The following RYR2 variants were observed in gnomAD, a reference collection of about 807,000 sequenced individuals.
RYR2 encodes ryanodine receptor 2.
A neutral mutation model predicts 601.1 loss-of-function variants in RYR2; 227 were observed. The ratio of observed to expected loss-of-function variants is 0.38; its 90% CI spans 0.34 to 0.42. The LOEUF (loss-of-function observed/expected upper bound fraction) is 0.42, where lower values mean the gene tolerates loss of function less well. RYR2 is among the 10% of genes least tolerant of loss of function. The pLI is 1.00. For missense variants in RYR2, 4,646 were observed against 6,156.5 expected (o/e 0.75, Z 8.21); for synonymous variants, 2,223 against 2,175.1 (o/e 1.02, Z -0.61).
At chr1:237,582,923 G>GATATATATATAT (rs71180101) in intron 29 of RYR2, among the ~76,000 whole-genome samples, 12,050 of 132,786 alleles carry the variant, frequency 0.091, 683 homozygotes, top group Admixed American at 0.15. Context: ...TTTTCTTTTG[G>GATATATATATAT]ATATATATAT....
rs540495399 is a variant in RYR2 at position 237,126,957 on chromosome 1, G to GA, written c.48+84388_48+84389insA. On this transcript the variant is annotated intron_variant, in intron 1 of 104. Coordinates refer to ENST00000366574, the MANE Select transcript of RYR2 (RefSeq NM_001035.3). ...CCTTCCGCAGTGTTTGTGTCCCTGG[G>GA]TACTTGAGATTAGGGAGTGGTGATG... is the stretch of plus-strand genomic sequence containing the variant. Among the ~76,000 whole-genome samples, 251 of 151,862 alleles carry GA rather than the reference G, an allele frequency of 1.7e-3. 4 individuals are homozygous for GA. The South Asian group carries it at 0.023, about 14-fold the overall frequency.
At position 237,602,433 on chromosome 1, in the gene RYR2, A is replaced by T. The variant is rs77824535; in HGVS notation, c.4683+322A>T. ...GGACTTAAAGATCTGAAACCATGCC[A>T]CCTACAATAGTGGTATGTATGGAAT... On this transcript the variant is annotated intron_variant, in intron 35 of 104. Transcript: ENST00000366574. Among the ~76,000 whole-genome samples, 444 of 152,352 alleles carry T rather than the reference A, an allele frequency of 2.9e-3. 1 individual carries two copies. The highest frequency in any genetic ancestry group is 0.01 in the African/African-American group (418 of 41,584).
At chr1:237,234,881 T>C (rs966611018) in intron 1 of RYR2, among the ~76,000 whole-genome samples, 8 of 152,030 alleles carry the variant, frequency 5.3e-5, no homozygotes, top group Non-Finnish European at 1.2e-4. Context: ...TACAGTTTTG[T>C]GATTTTTTTT....
intron 1 of RYR2, among the ~76,000 whole-genome samples, chr1:237,223,936 T>C (rs1234978701): frequency 6.6e-6 from 1 of 152,230 alleles, no homozygotes; most frequent in African/African-American, 2.4e-5. Flanking sequence ...TGTGAGTCAT[T>C]TTCCTACAAT....
At chr1:237,085,444 C>T (rs1479999800) in intron 1 of RYR2, among the ~76,000 whole-genome samples, 1 of 152,176 alleles carries the variant, frequency 6.6e-6, no homozygotes, top group African/African-American at 2.4e-5. Context: ...TCTTAACTTG[C>T]TCCGCATGTG....
At chr1:237,192,849 C>T (rs574628562) in intron 1 of RYR2, among the ~76,000 whole-genome samples, 1 of 152,174 alleles carries the variant, frequency 6.6e-6, no homozygotes, top group South Asian at 2.1e-4. Context: ...TATGTATGAT[C>T]TGTGATAGTA....
At chr1:237,548,405 C>G (rs970379471) in intron 25 of RYR2, 26 bp from the exon 26 acceptor site, 3 of 1,609,816 alleles carry the variant, frequency 1.9e-6, no homozygotes, top group Non-Finnish European at 2.5e-6. Flanking sequence ...CAATTATACA[C>G]AAATTTCTTT....
In RYR2 at chr1:237,463,801, G is replaced by A. The variant is rs572661519; in HGVS notation, c.1613-5291G>A. 1.8e-3 allele frequency among the ~76,000 whole-genome samples: 281 copies of A among 152,312 alleles called. 1 individual carries two copies. Among genetic ancestry groups the A allele is most frequent in the African/African-American group, 6.5e-3 (270 of 41,576 alleles). ...TGACGCACCATACCAAGTTGCCATT[G>A]CACTTCGAAGATGACAGTGGTGCTC... On this transcript the variant is annotated intron_variant, in intron 16 of 104. Transcript: ENST00000366574.
chr1:237,176,059 T>G (rs1303655348), intron 1 of RYR2, among the ~76,000 whole-genome samples: 1 of 151,582 alleles, frequency 6.6e-6, no homozygotes, highest in Admixed American at 6.6e-5. Flanking sequence ...TAGTGAGACC[T>G]TATCTCTGCA....
intron 2 of RYR2, among the ~76,000 whole-genome samples, chr1:237,319,295 C>G (rs979768571): frequency 1.3e-5 from 2 of 152,052 alleles, no homozygotes; most frequent in African/African-American, 4.8e-5. Flanking sequence ...ATGCCTTTGT[C>G]AAGGCACTCA....
chr1:237,566,865 G>A lies in RYR2; in HGVS notation c.3423+90G>A, dbSNP rs1672140308. 3.0e-6 allele frequency: 4 copies of A among 1,325,220 alleles called. No homozygotes were observed. The South Asian group carries it at 4.8e-5, about 16-fold the overall frequency. 82.1% of individuals were successfully genotyped at this position (1,325,220 alleles called of 1,614,324 possible). A position where few individuals can be genotyped will look rare whatever the true frequency, so the allele number is the denominator to read the frequency against. On this transcript the variant is annotated intron_variant, in intron 28 of 104. Transcript: ENST00000366574. The stretch of plus-strand genomic sequence containing the variant: ...CTCTTGGTAGCTTCACAGTACCAGT[G>A]TTTCCCACAGCACAAACGTGGAAAA...
At chr1:237,299,954 C>T (rs1330341226) in intron 2 of RYR2, among the ~76,000 whole-genome samples, 1 of 152,180 alleles carries the variant, frequency 6.6e-6, no homozygotes, top group Non-Finnish European at 1.5e-5. Flanking sequence ...ATTCTCCTTT[C>T]TCAAGTTGAA....
chr1:237,173,075 T>A (rs1558365448), intron 1 of RYR2, among the ~76,000 whole-genome samples: 1 of 152,170 alleles, frequency 6.6e-6, no homozygotes, highest in South Asian at 2.1e-4. Flanking sequence ...TACAAAAGCA[T>A]GTTGACTTAA....
At chr1:237,725,634 T>G (rs146330328) in intron 74 of RYR2, among the ~76,000 whole-genome samples, 1,605 of 152,210 alleles carry the variant, frequency 0.011, 17 homozygotes, top group Middle Eastern at 0.02. Flanking sequence ...ACAAGGTACA[T>G]CTTTGTGTTC....
At chr1:237,347,756 ACAAAAAACAAGCAAAACACC>A (rs150691857) in intron 3 of RYR2, among the ~76,000 whole-genome samples, 4,812 of 152,226 alleles carry the variant, frequency 0.032, 254 homozygotes, top group African/African-American at 0.11. Context: ...TGTGGGAAAA[ACAAAAAACAAGCAAAACACC>A]CAAACCTCCC....
intron 3 of RYR2, among the ~76,000 whole-genome samples, chr1:237,339,500 G>A (rs1697557537): frequency 6.6e-6 from 1 of 151,876 alleles, no homozygotes. Context: ...TCCCCCCTAA[G>A]ATAACCACAG....
At chr1:237,045,480 T>C (rs1162666312) in intron 1 of RYR2, among the ~76,000 whole-genome samples, 1 of 152,172 alleles carries the variant, frequency 6.6e-6, no homozygotes, top group East Asian at 1.9e-4. Flanking sequence ...GAATGATCAT[T>C]GATTCAGTGG....
intron 17 of RYR2, among the ~76,000 whole-genome samples, chr1:237,484,549 A>C (rs771278859): frequency 8.5e-5 from 13 of 152,312 alleles, no homozygotes; most frequent in Middle Eastern, 3.4e-3. Flanking sequence ...GCGATGGGGC[A>C]AAATCCCCAG....
At chr1:237,296,505 G>A (rs948241158) in intron 2 of RYR2, among the ~76,000 whole-genome samples, 4 of 152,156 alleles carry the variant, frequency 2.6e-5, no homozygotes, top group African/African-American at 9.7e-5. Flanking sequence ...TTGGATTTGA[G>A]GACATTGTTG....
Sources: allele counts gnomAD v4.1 joint callset (sites outside exome capture counted in the v4.1 genomes callset), GRCh38; gene constraint gnomAD v4.1.1; transcripts MANE v1.5; gene names NCBI Gene and HGNC (gene_info 2026-07-23, HGNC 2026-07-21).